Variants in CDH3 observed in about 807,000 individuals in gnomAD.
CDH3 encodes the protein cadherin 3, also known as cadherin-3.
In CDH3, 54 loss-of-function variants were observed where a neutral mutation model predicts 82.0. That is an observed-to-expected ratio of 0.66 (90% CI 0.53 to 0.83). CDH3 has a LOEUF of 0.83. Among genes scored for constraint, CDH3 ranks in the 40% least tolerant of loss-of-function variants. The probability of loss-of-function intolerance (pLI) is 0.00; values close to 1 mark genes in which losing one functional copy is unlikely to be tolerated. For synonymous variants in CDH3, 446 were observed against 437.9 expected, an observed-to-expected ratio of 1.02 and a Z score of -0.23; for missense variants, 1,054 against 1,084.6, an observed-to-expected ratio of 0.97 and a Z score of 0.40.
At chr16:68,668,851 T>C (rs1333195245) in intron 2 of CDH3, among the ~76,000 whole-genome samples, 1 of 152,188 alleles carries the variant, frequency 6.6e-6, no homozygotes, top group African/African-American at 2.4e-5. Context: ...TAGTCTAAGG[T>C]ACCTTTTTAT....
intron 13 of CDH3, among the ~76,000 whole-genome samples, chr16:68,692,446 C>T (rs988121146): frequency 2.6e-5 from 4 of 152,166 alleles, no homozygotes; most frequent in Non-Finnish European, 5.9e-5. Context: ...CAGACTCGGC[C>T]CTGCCATCAG....
intron 2 of CDH3, among the ~76,000 whole-genome samples, chr16:68,670,466 G>A (rs184988889): frequency 3.9e-4 from 60 of 152,174 alleles, no homozygotes; most frequent in African/African-American, 1.3e-3. Flanking sequence ...CCCGGTTGGG[G>A]TTTATTTTTC....
chr16:68,732,619 C>A, the CDH3 span, among the ~76,000 whole-genome samples: 1 of 152,194 alleles, frequency 6.6e-6, no homozygotes, highest in Admixed American at 6.5e-5. Context: ...CCACTGTTAG[C>A]GCTGGATCTC....
chr16:68,678,940 T>G (rs1597807040), intron 6 of CDH3, 34 bp downstream of exon 6: 3 of 1,609,546 alleles, frequency 1.9e-6, no homozygotes, highest in African/African-American at 2.7e-5. Flanking sequence ...GCTACGGGGC[T>G]GGGCCCACAC....
At chr16:68,681,224 G>T in intron 8 of CDH3, 128 bp downstream of exon 8, 1 of 988,176 alleles carries the variant, frequency 1.0e-6, no homozygotes, top group South Asian at 1.3e-5. Flanking sequence ...TGTGACCTTA[G>T]GAAAACTACC....
intron 2 of CDH3, among the ~76,000 whole-genome samples, chr16:68,661,099 C>A (rs913036607): frequency 3.3e-5 from 5 of 152,152 alleles, no homozygotes; most frequent in African/African-American, 9.7e-5. Flanking sequence ...CAATTCACTA[C>A]TCTCCAGCTT....
chr16:68,698,029 T>A, intron 15 of CDH3, 162 bp from the exon 16 acceptor site: 1 of 732,444 alleles, frequency 1.4e-6, no homozygotes. Context: ...TGTCTGCTGG[T>A]CCCTGAGTGA....
intron 2 of CDH3, among the ~76,000 whole-genome samples, chr16:68,649,016 C>T (rs752976324): frequency 2.0e-5 from 3 of 152,072 alleles, no homozygotes; most frequent in Non-Finnish European, 2.9e-5. Flanking sequence ...GGCACATTCC[C>T]CCATCCCAGT....
intron 1 of CDH3, among the ~76,000 whole-genome samples, chr16:68,706,516 A>C (rs1961965802): frequency 6.6e-6 from 1 of 151,268 alleles, no homozygotes; most frequent in Non-Finnish European, 1.5e-5. Flanking sequence ...CTGAGGGACA[A>C]AGATGCTGGT....
At chr16:68,727,433 C>G (rs934380934) in exon 3 of CDH3, among the ~76,000 whole-genome samples, 1 of 152,146 alleles carries the variant, frequency 6.6e-6, no homozygotes, top group Non-Finnish European at 1.5e-5. Flanking sequence ...TGGGAGAACC[C>G]TGACTAATAC....
chr16:68,691,796 T>C lies in CDH3; in HGVS notation c.1872T>C (p.His624=), dbSNP rs1961582681. 3.7e-6 allele frequency: 6 copies of C among 1,614,166 alleles called. No homozygotes were observed. Among genetic ancestry groups the C allele is most frequent in the Middle Eastern group, 3.3e-4 (2 of 6,060 alleles). The change falls in exon 13 of 16, where the codon CAT becomes CAC. Residue 624 remains histidine, a synonymous_variant. Coordinates refer to ENST00000264012, the MANE Select transcript of CDH3 (RefSeq NM_001793.6). Reference sequence around the variant, plus strand: ...ACGTGCACCTTTCTCTGTCTGACCATGGCAACAAAGAGCAGCTGACGGTGA... The same window carrying C: ...ACGTGCACCTTTCTCTGTCTGACCACGGCAACAAAGAGCAGCTGACGGTGA... ...TYDVHLSLSD[H]GNKEQLTVIR...
intron 1 of CDH3, among the ~76,000 whole-genome samples, chr16:68,721,256 G>A (rs1341416166): frequency 2.3e-5 from 3 of 133,054 alleles, no homozygotes; most frequent in African/African-American, 8.5e-5. Flanking sequence ...TTTTGAGATG[G>A]AGTCTCGCTG....
At chr16:68,656,495 A>G (rs1167961378) in intron 2 of CDH3, among the ~76,000 whole-genome samples, 1 of 152,076 alleles carries the variant, frequency 6.6e-6, no homozygotes, top group Non-Finnish European at 1.5e-5. Flanking sequence ...GAATCACACT[A>G]TGTACTTTAT....
At chr16:68,657,168 T>C (rs951853114) in intron 2 of CDH3, among the ~76,000 whole-genome samples, 7 of 151,930 alleles carry the variant, frequency 4.6e-5, no homozygotes, top group African/African-American at 1.7e-4. Context: ...GACTTAAGAG[T>C]GTTGGGGACC....
intron 11 of CDH3, chr16:68,686,648 T>C: frequency 1.1e-6 from 1 of 882,024 alleles, no homozygotes; most frequent in Non-Finnish European, 1.9e-6. Flanking sequence ...TTATCTCCTA[T>C]TTAGGGATGG....
chr16:68,686,149 C>G (rs1961404748), intron 11 of CDH3, among the ~76,000 whole-genome samples: 1 of 152,268 alleles, frequency 6.6e-6, no homozygotes, highest in Non-Finnish European at 1.5e-5. Flanking sequence ...AACACTGTCT[C>G]TACTAAAAAC....
At chr16:68,688,146 G>GAA (rs1961468365) in intron 12 of CDH3, among the ~76,000 whole-genome samples, 5 of 150,340 alleles carry the variant, frequency 3.3e-5, no homozygotes, top group African/African-American at 1.2e-4. Context: ...ACAGGAAGGC[G>GAA]GTTGGGCTAG....
At chr16:68,720,397 G>A (rs964369390) in intron 1 of CDH3, among the ~76,000 whole-genome samples, 1 of 152,090 alleles carries the variant, frequency 6.6e-6, no homozygotes, top group Admixed American at 6.6e-5. Flanking sequence ...AGCCCAGCCT[G>A]ACAGCTGTGT....
chr16:68,673,377 G>A (rs572882166), intron 2 of CDH3, among the ~76,000 whole-genome samples: 29 of 151,940 alleles, frequency 1.9e-4, no homozygotes, highest in Non-Finnish European at 3.4e-4. Context: ...TCTATCTCCC[G>A]AACTTTTTCA....
Sources: allele counts gnomAD v4.1 joint callset (sites outside exome capture counted in the v4.1 genomes callset), GRCh38; gene constraint gnomAD v4.1.1; transcripts MANE v1.5; gene names NCBI Gene and HGNC (gene_info 2026-07-23, HGNC 2026-07-21).